Variants in SETD1A observed in about 807,000 individuals in gnomAD.
SETD1A encodes histone-lysine N-methyltransferase SETD1A.
SETD1A carries 29 observed loss-of-function variants against 149.9 expected under a neutral mutation model. That is an observed-to-expected ratio of 0.19 (90% confidence interval 0.14 to 0.26). The LOEUF (loss-of-function observed/expected upper bound fraction) is 0.26, where lower values mean the gene tolerates loss of function less well. Ranked by LOEUF, SETD1A falls within the 10% of genes least tolerant of loss-of-function variation. The pLI is 1.00. For synonymous variants in SETD1A, 1,141 were observed against 968.5 expected (o/e 1.18, Z -3.31); for missense variants, 2,109 against 2,353.1 (o/e 0.90, Z 2.15).
chr16:30,980,124 G>T lies in SETD1A; in HGVS notation c.4338G>T (p.Thr1446=), dbSNP rs766559389. The change falls in exon 14 of 19, where the codon ACG becomes ACT. Residue 1446 remains threonine, a synonymous_variant. Coordinates refer to ENST00000262519, the MANE Select transcript of SETD1A (RefSeq NM_014712.3). This position sits in a 1 kb window ranked among gnomAD's most constrained non-coding sequence, Gnocchi z 7.7. ...DSEDMSYLRL[T]YERLLQQTSG... ...AGGACATGAGTTACCTGCGGCTTAC[G>T]TACGAGCGGCTGCTGCAGCAGACAA... 1 of 1,612,486 alleles carries T rather than the reference G, an allele frequency of 6.2e-7. No individual in the cohort carries two copies.
At chr16:30,978,344 G>A (rs1373903808) in intron 13 of SETD1A, among the ~76,000 whole-genome samples, 1 of 151,712 alleles carries the variant, frequency 6.6e-6, no homozygotes, top group East Asian at 1.9e-4. Context: ...CTCTACGTAA[G>A]AGGTGTGATT....
At chr16:30,973,725 G>A (rs1270460172) in intron 13 of SETD1A, among the ~76,000 whole-genome samples, 1 of 152,086 alleles carries the variant, frequency 6.6e-6, no homozygotes, top group Admixed American at 6.6e-5. Flanking sequence ...TTGAGAATCC[G>A]TGGTCTGAGA....
At chr16:30,971,759 T>A (rs775522218) in intron 13 of SETD1A, 40 bp downstream of exon 13, 13 of 1,507,094 alleles carry the variant, frequency 8.6e-6, no homozygotes, top group Admixed American at 2.3e-5. Context: ...GCTGTGTGTG[T>A]GAGAGAGAGA....
intron 4 of SETD1A, among the ~76,000 whole-genome samples, chr16:30,963,043 A>G (rs1294775890): frequency 6.6e-6 from 1 of 152,170 alleles, no homozygotes; most frequent in Non-Finnish European, 1.5e-5. Context: ...TGCATGCTTT[A>G]GTTTACAGGA....
In SETD1A at chr16:30,964,237, C is replaced by T. The variant is rs751439907; in HGVS notation, c.783C>T (p.Gly261=). 4.3e-6 allele frequency: 7 copies of T among 1,614,118 alleles called. No individual in the cohort carries two copies. The highest frequency in any genetic ancestry group is 4.2e-6 in the Non-Finnish European group (5 of 1,180,006). Residue 261 remains glycine, a synonymous_variant, in exon 6 of 19, where the codon GGC becomes GGT. Coordinates refer to ENST00000262519, the MANE Select transcript of SETD1A (RefSeq NM_014712.3). ...SSRQDTPSSF[G]QFTPQSSQGT... ...GACAAGATACCCCATCTTCCTTTGG[C>T]CAGTTCACACCTCAGTCCTCCCAAG...
At chr16:30,982,899 G>A (rs1216048466) in intron 17 of SETD1A, among the ~76,000 whole-genome samples, 1 of 152,146 alleles carries the variant, frequency 6.6e-6, no homozygotes, top group East Asian at 1.9e-4. Context: ...TGATGGGAGG[G>A]CCAGTGAGAT....
Position 30,966,088 on chromosome 16 carries a change from G to A in SETD1A, c.2207G>A (p.Gly736Glu), listed in dbSNP as rs1396170105. 6.3e-7 allele frequency: 1 copy of A among 1,591,902 alleles called. No individual in the cohort carries two copies. Among genetic ancestry groups the A allele is most frequent in the South Asian group, 1.1e-5 (1 of 88,124 alleles). ...TTGCCGTATGCTCTATATGCACAGG[G>A]GCAGGAGGGCAGAGGGGCATACTCA... ...YGLPYALYAQ[G>E]QEGRGAYSRE... Residue 736 changes from glycine to glutamate, a missense_variant, in exon 8 of 19, where the codon GGG (glycine) becomes GAG (glutamate). Transcript: ENST00000262519.
At chr16:30,962,580 G>C (rs2056069219) in intron 4 of SETD1A, among the ~76,000 whole-genome samples, 1 of 152,188 alleles carries the variant, frequency 6.6e-6, no homozygotes. Context: ...GTCTGGAGGA[G>C]GCAGCCATTA....
chr16:30,965,159 C>T lies in SETD1A; in HGVS notation c.1417C>T (p.Pro473Ser). 1 of 1,613,664 alleles carries T rather than the reference C, an allele frequency of 6.2e-7. No individual in the cohort carries two copies. Among genetic ancestry groups the T allele is most frequent in the African/African-American group, 1.3e-5 (1 of 75,068 alleles). Reference sequence around the variant, plus strand: ...CCCTGCCCGCTCTGGCTCCCCAGCCCCGGAGACCACCAATGAGAGTGTGCC... The same window carrying T: ...CCCTGCCCGCTCTGGCTCCCCAGCCTCGGAGACCACCAATGAGAGTGTGCC... ...ASPARSGSPA[P>S]ETTNESVPFA... is the part of the protein sequence containing the mutation. Residue 473 changes from proline to serine, a missense_variant, in exon 7 of 19, where the codon CCG becomes TCG. Around this residue, in one of 8 missense-constraint regions of SETD1A, gnomAD observed 410 missense variants for 394.8 expected, o/e 1.04. Transcript: ENST00000262519.
At position 30,980,000 on chromosome 16, in the gene SETD1A, C is replaced by A. The variant is rs201439300; in HGVS notation, c.4214C>A (p.Pro1405His). ...RSHARRRRPPPPPPPPPPRAY... is the reference protein window; with the variant it reads ...RSHARRRRPPHPPPPPPPRAY... ...CACGCCCGGCGCCGCCGCCCTCCGC[C>A]CCCACCCCCGCCGCCACCGCCCCGC... The change falls in exon 14 of 19, where the codon CCC becomes CAC. Residue 1405 changes from proline (P) to histidine (H), a missense_variant. Physicochemically the swap from Pro to His is moderately conservative, Grantham distance 77 (BLOSUM62 -2). Coordinates refer to ENST00000262519, the MANE Select transcript of SETD1A (RefSeq NM_014712.3). The A allele has an allele frequency of 2.0e-3, 2,901 of 1,484,766 alleles. 57 individuals carry two copies. In the African/African-American group the frequency reaches 0.037, roughly 19 times the overall value. The allele number at this position is 1,484,766 out of a possible 1,614,324, so 92.0% of individuals were successfully genotyped here.
chr16:30,968,013 C>T (rs1423158249), intron 10 of SETD1A, among the ~76,000 whole-genome samples: 1 of 152,186 alleles, frequency 6.6e-6, no homozygotes, highest in Admixed American at 6.5e-5. Flanking sequence ...TGGAGACCCA[C>T]TGGCCTTCAT....
intron 13 of SETD1A, among the ~76,000 whole-genome samples, 155 bp downstream of exon 13, chr16:30,971,874 T>C (rs576444553): frequency 5.6e-4 from 86 of 152,352 alleles, no homozygotes; most frequent in African/African-American, 1.9e-3. Flanking sequence ...TCTAGAGACA[T>C]TGATTGTCTG....
intron 13 of SETD1A, among the ~76,000 whole-genome samples, chr16:30,972,016 A>G (rs773720500): frequency 1.3e-5 from 2 of 152,176 alleles, no homozygotes; most frequent in Non-Finnish European, 2.9e-5. Context: ...TCTTCCTCCT[A>G]ATTTTTCTTA....
rs1329766220 is a variant in SETD1A at position 30,982,624 on chromosome 16, G to A, written c.4813-1011G>A. On this transcript the variant is annotated intron_variant, in intron 17 of 18. Transcript: ENST00000262519. ...ATCCACTTGGGCCTGTGGTGAGAGA[G>A]GAGGAAAGTCCCGGAGCTTTCTTCA... 2.0e-5 allele frequency among the ~76,000 whole-genome samples: 3 copies of A among 152,044 alleles called. No homozygotes were observed. The East Asian group carries it at 5.8e-4, about 29-fold the overall frequency.
Position 30,963,422 on chromosome 16 carries a change from C to T in SETD1A, c.518-11C>T, listed in dbSNP as rs370923684. Reference sequence around the variant, plus strand: ...CCATCTGACAATTGGTTCCCATTTCCCTCCCTCCAGGACAACAACGAATGA... The same window carrying T: ...CCATCTGACAATTGGTTCCCATTTCTCTCCCTCCAGGACAACAACGAATGA... On this transcript the variant is annotated splice_polypyrimidine_tract_variant and intron_variant, in intron 4 of 18. Transcript: ENST00000262519. The T allele has an allele frequency of 1.3e-6, 2 of 1,587,802 alleles. No homozygotes were observed. Among genetic ancestry groups the T allele is most frequent in the Non-Finnish European group, 8.6e-7 (1 of 1,167,072 alleles).
chr16:30,979,592 C>G lies in SETD1A; in HGVS notation c.3806C>G (p.Pro1269Arg). 1 of 1,610,960 alleles carries G rather than the reference C, an allele frequency of 6.2e-7. No homozygotes were observed. The highest frequency in any genetic ancestry group is 8.5e-7 in the Non-Finnish European group (1 of 1,179,694). ...LALTPARRGL[P>R]ALPAVEDSEA... is the part of the protein sequence containing the mutation. ...CTGACCCCTGCCCGGCGCGGGCTGC[C>G]TGCCCTGCCTGCTGTTGAAGACTCA... Residue 1269 changes from proline (P) to arginine (R), a missense_variant, in exon 14 of 19, where the codon CCT becomes CGT. Physicochemically the swap from Pro to Arg is moderately radical, Grantham distance 103 (BLOSUM62 -2). Coordinates refer to ENST00000262519, the MANE Select transcript of SETD1A (RefSeq NM_014712.3).
intron 13 of SETD1A, among the ~76,000 whole-genome samples, chr16:30,974,738 G>A (rs1031481496): frequency 6.6e-6 from 1 of 152,156 alleles, no homozygotes; most frequent in East Asian, 1.9e-4. Flanking sequence ...CGGGCGCAGT[G>A]GCTCACACCT....
rs768836757 is a variant in SETD1A, at chr16:30,984,611, G to T, written c.*588G>T. ...GGGCTGGACTGTACATATGTTAATA[G>T]CGCAAACCCGACGCCACATTTTTAT... On this transcript the variant is annotated 3_prime_UTR_variant, in exon 19 of 19. Coordinates refer to ENST00000262519, the MANE Select transcript of SETD1A (RefSeq NM_014712.3). The T allele has an allele frequency of 6.5e-6, 1 of 153,348 alleles. No individual in the cohort carries two copies. The highest frequency in any genetic ancestry group is 1.5e-5 in the Non-Finnish European group (1 of 68,576). 9.5% of individuals were successfully genotyped at this position (153,348 alleles called of 1,614,324 possible).
chr16:30,973,025 G>C (rs758647219), intron 13 of SETD1A, among the ~76,000 whole-genome samples: 21 of 152,138 alleles, frequency 1.4e-4, no homozygotes, highest in Non-Finnish European at 2.6e-4. Context: ...GGCTGGCTTA[G>C]CGTGTGCAAA....
Sources: allele counts gnomAD v4.1 joint callset (sites outside exome capture counted in the v4.1 genomes callset), GRCh38; gene constraint gnomAD v4.1.1; regional missense constraint gnomAD v4.1.1; non-coding constraint Gnocchi (gnomAD v3.1); transcripts MANE v1.5; gene names NCBI Gene and HGNC (gene_info 2026-07-23, HGNC 2026-07-21).